Variants in ITFG1 observed in about 807,000 individuals in gnomAD.
ITFG1 encodes integrin alpha FG-GAP repeat containing 1, also known as T-cell immunomodulatory protein.
A neutral mutation model predicts 81.8 loss-of-function variants in ITFG1; 34 were observed. The ratio of observed to expected loss-of-function variants is 0.42; its 90% CI spans 0.32 to 0.55. The LOEUF is 0.55. ITFG1 is among the 20% of genes least tolerant of loss of function. The pLI is 0.17. For synonymous variants in ITFG1, 285 were observed against 270.6 expected, an observed-to-expected ratio of 1.05 and a Z score of -0.52; for missense variants, 672 against 755.4, an observed-to-expected ratio of 0.89 and a Z score of 1.29.
chr16:47,202,775 T>C (rs1239257536), intron 14 of ITFG1, among the ~76,000 whole-genome samples: 1 of 151,934 alleles, frequency 6.6e-6, no homozygotes, highest in Non-Finnish European at 1.5e-5. Flanking sequence ...ACGTGCAATA[T>C]TGGGAAAATG....
chr16:47,455,873 A>AT (rs1354838562), intron 2 of ITFG1, among the ~76,000 whole-genome samples: 6 of 152,036 alleles, frequency 3.9e-5, no homozygotes, highest in African/African-American at 1.4e-4. Context: ...AATGATAAAA[A>AT]TAAGAAACAG....
intron 14 of ITFG1, among the ~76,000 whole-genome samples, chr16:47,204,190 CT>C (rs1242115283): frequency 6.6e-6 from 1 of 152,142 alleles, no homozygotes; most frequent in African/African-American, 2.4e-5. Context: ...CCAGTAAAAT[CT>C]TTCCATGGCA....
chr16:47,409,708 C>T (rs1489397135), intron 6 of ITFG1, among the ~76,000 whole-genome samples: 1 of 151,272 alleles, frequency 6.6e-6, no homozygotes, highest in Non-Finnish European at 1.5e-5. Context: ...TGAGCCACTG[C>T]ACCTGACCCC....
intron 5 of ITFG1, among the ~76,000 whole-genome samples, chr16:47,437,928 C>G (rs934920504): frequency 6.6e-6 from 1 of 152,206 alleles, no homozygotes; most frequent in Admixed American, 6.5e-5. Flanking sequence ...AATTCCCTTT[C>G]CTAGTCAAAG....
At chr16:47,421,169 T>C (rs1968941484) in intron 6 of ITFG1, among the ~76,000 whole-genome samples, 2 of 151,718 alleles carry the variant, frequency 1.3e-5, no homozygotes, top group Non-Finnish European at 2.9e-5. Context: ...GTAGGCAGCA[T>C]AAAGTTAGGT....
At chr16:47,202,990 TGC>T (rs1270564199) in intron 14 of ITFG1, among the ~76,000 whole-genome samples, 2 of 152,130 alleles carry the variant, frequency 1.3e-5, no homozygotes, top group African/African-American at 2.4e-5. Flanking sequence ...GCAGCAAGTC[TGC>T]TTTTGGGTAT....
chr16:47,293,037 TGATA>T (rs1966928619), intron 10 of ITFG1, among the ~76,000 whole-genome samples: 1 of 148,722 alleles, frequency 6.7e-6, no homozygotes, highest in East Asian at 1.9e-4. Context: ...TATATATATA[TGATA>T]TATATATCAT....
At chr16:47,162,723 A>C (rs1964827915) in intron 14 of ITFG1, 59 bp from the exon 15 acceptor site, 1 of 1,421,184 alleles carries the variant, frequency 7.0e-7, no homozygotes, top group East Asian at 2.4e-5. Context: ...GCTCCCATCA[A>C]ATATTAAAAT....
At chr16:47,183,153 C>G (rs1965155756) in intron 14 of ITFG1, among the ~76,000 whole-genome samples, 4 of 152,232 alleles carry the variant, frequency 2.6e-5, no homozygotes, top group Admixed American at 2.6e-4. Flanking sequence ...TCGCTGATTG[C>G]CAGCACAGCA....
chr16:47,439,356 G>A (rs960090460), intron 5 of ITFG1, among the ~76,000 whole-genome samples: 1 of 152,120 alleles, frequency 6.6e-6, no homozygotes, highest in African/African-American at 2.4e-5. Context: ...TACTCCTCGA[G>A]AACAGCAACT....
chr16:47,301,928 C>T (rs1967082888), intron 10 of ITFG1, among the ~76,000 whole-genome samples: 1 of 152,104 alleles, frequency 6.6e-6, no homozygotes, highest in East Asian at 1.9e-4. Flanking sequence ...AAACTCAAGA[C>T]TTGGCCCACT....
intron 14 of ITFG1, among the ~76,000 whole-genome samples, chr16:47,163,465 C>T (rs1185725327): frequency 6.6e-6 from 1 of 152,152 alleles, no homozygotes; most frequent in Non-Finnish European, 1.5e-5. Context: ...AGCATGTTTC[C>T]ATACTTTATT....
intron 10 of ITFG1, among the ~76,000 whole-genome samples, chr16:47,266,839 G>GTATATCTATATAA (rs1380740020): frequency 6.6e-6 from 1 of 152,126 alleles, no homozygotes; most frequent in Non-Finnish European, 1.5e-5. Flanking sequence ...ACAAAATGTG[G>GTATATCTATATAA]TATATCTATA....
At chr16:47,336,699 C>CA (rs1967708276) in intron 8 of ITFG1, among the ~76,000 whole-genome samples, 2 of 152,282 alleles carry the variant, frequency 1.3e-5, no homozygotes, top group South Asian at 2.1e-4. Context: ...CATGGTGGCT[C>CA]ATGCCTGTAA....
chr16:47,434,848 A>G (rs148320686), intron 5 of ITFG1, among the ~76,000 whole-genome samples: 4 of 152,354 alleles, frequency 2.6e-5, no homozygotes, highest in South Asian at 4.1e-4. Flanking sequence ...ATGCAGCCAT[A>G]AAAAGAATGA....
intron 6 of ITFG1, among the ~76,000 whole-genome samples, chr16:47,378,170 T>C (rs1372123903): frequency 6.6e-6 from 1 of 152,204 alleles, no homozygotes; most frequent in African/African-American, 2.4e-5. Flanking sequence ...TCTGACCTAT[T>C]TGAAAGAACT....
At chr16:47,455,884 A>G (rs974336178) in intron 2 of ITFG1, among the ~76,000 whole-genome samples, 3 of 151,958 alleles carry the variant, frequency 2.0e-5, no homozygotes, top group Non-Finnish European at 2.9e-5. Context: ...TAAGAAACAG[A>G]TAAGATAAAG....
chr16:47,415,640 G>A (rs1007401270), intron 6 of ITFG1, among the ~76,000 whole-genome samples: 2 of 152,094 alleles, frequency 1.3e-5, no homozygotes, highest in Non-Finnish European at 2.9e-5. Context: ...TGTAAGATAT[G>A]CATATCAAAA....
intron 2 of ITFG1, among the ~76,000 whole-genome samples, chr16:47,456,022 A>G (rs545181057): frequency 1.3e-5 from 2 of 152,238 alleles, no homozygotes; most frequent in Non-Finnish European, 2.9e-5. Flanking sequence ...AGAGGCCTCT[A>G]GCTTGAAAGG....
Sources: gnomAD v4.1 joint callset for allele counts (sites outside exome capture counted in the v4.1 genomes callset) on GRCh38, gnomAD v4.1.1 for gene constraint, MANE v1.5 for transcripts, NCBI Gene and HGNC (gene_info 2026-07-23, HGNC 2026-07-21) for gene names.